ARFGEF2: variants seen among roughly 807,000 people sequenced by gnomAD.
ARFGEF2 encodes the protein brefeldin A-inhibited guanine nucleotide-exchange protein 2.
A neutral mutation model predicts 219.9 loss-of-function variants in ARFGEF2; 74 were observed. That is an observed-to-expected ratio of 0.34 (90% confidence interval 0.28 to 0.41). The LOEUF (loss-of-function observed/expected upper bound fraction) is 0.41, where lower values mean the gene tolerates loss of function less well. Among genes scored for constraint, ARFGEF2 ranks in the 10% least tolerant of loss-of-function variants. The pLI, the probability that ARFGEF2 is intolerant of heterozygous loss-of-function variation, is 1.00. For synonymous variants in ARFGEF2, 733 were observed against 799.2 expected (o/e 0.92, Z 1.40); for missense variants, 1,743 against 2,218.3 (o/e 0.79, Z 4.30).
chr20:48,959,440 C>T (rs1276365502), intron 6 of ARFGEF2, among the ~76,000 whole-genome samples: 6 of 122,128 alleles, frequency 4.9e-5, no homozygotes, highest in Non-Finnish European at 1.7e-5. Context: ...TCCTTCCCTC[C>T]GTCCCTCCTT....
chr20:48,983,101 G>A (rs796234266), intron 14 of ARFGEF2, among the ~76,000 whole-genome samples: 8 of 152,186 alleles, frequency 5.3e-5, no homozygotes, highest in Non-Finnish European at 1.0e-4. Context: ...GCTGCAGACC[G>A]GAGCTGTTCC....
intron 6 of ARFGEF2, among the ~76,000 whole-genome samples, chr20:48,956,827 G>C (rs1033289326): frequency 6.6e-6 from 1 of 152,122 alleles, no homozygotes; most frequent in Non-Finnish European, 1.5e-5. Flanking sequence ...TGATCCACCC[G>C]TCTCGGCCTC....
intron 1 of ARFGEF2, among the ~76,000 whole-genome samples, chr20:48,935,990 G>A (rs2090950207): frequency 7.0e-6 from 1 of 143,662 alleles, no homozygotes; most frequent in South Asian, 2.2e-4. Context: ...GGCTGGCCGG[G>A]CAGAGGGGCT....
chr20:48,930,727 C>G (rs2090908061), intron 1 of ARFGEF2, among the ~76,000 whole-genome samples: 1 of 151,964 alleles, frequency 6.6e-6, no homozygotes, highest in Non-Finnish European at 1.5e-5. Context: ...GTTGTATGAG[C>G]CTGATGTTCA....
At chr20:49,020,036 G>A (rs540916526) in intron 34 of ARFGEF2, among the ~76,000 whole-genome samples, 2 of 152,324 alleles carry the variant, frequency 1.3e-5, no homozygotes, top group East Asian at 1.9e-4. Context: ...CCTCATAGTA[G>A]CCTTTGAAGA....
At chr20:48,996,010 G>A (rs912017480) in intron 23 of ARFGEF2, 128 bp downstream of exon 23, 4 of 826,218 alleles carry the variant, frequency 4.8e-6, no homozygotes, top group Admixed American at 1.9e-5. Flanking sequence ...AATTGCTTAA[G>A]TGTCACATTT....
At chr20:48,960,265 A>G (rs889271657) in intron 6 of ARFGEF2, among the ~76,000 whole-genome samples, 1 of 152,174 alleles carries the variant, frequency 6.6e-6, no homozygotes, top group African/African-American at 2.4e-5. Context: ...ACACAGTGGT[A>G]AGTATTTGAA....
chr20:48,995,312 T>C (rs1392174767), intron 22 of ARFGEF2, among the ~76,000 whole-genome samples: 1 of 151,678 alleles, frequency 6.6e-6, no homozygotes, highest in Non-Finnish European at 1.5e-5. Flanking sequence ...ATTTAGTGAG[T>C]GGAATAGTAC....
chr20:49,005,752 A>AG, intron 26 of ARFGEF2, among the ~76,000 whole-genome samples: 1 of 151,332 alleles, frequency 6.6e-6, no homozygotes, highest in East Asian at 1.9e-4. Flanking sequence ...AAAAAAAAAA[A>AG]AAAAAAGAAA....
intron 38 of ARFGEF2, 32 bp from the exon 39 acceptor site, chr20:49,032,991 T>A: frequency 6.2e-7 from 1 of 1,606,290 alleles, no homozygotes; most frequent in Non-Finnish European, 8.5e-7. Context: ...AAAAAAATTG[T>A]CTAATTTTAT....
chr20:48,991,332 CCT>C (rs1449278830), intron 21 of ARFGEF2, 134 bp downstream of exon 21: 1 of 1,305,574 alleles, frequency 7.7e-7, no homozygotes, highest in Non-Finnish European at 1.1e-6. Flanking sequence ...TGGAAGTCAC[CCT>C]CTCTGGGGCT....
intron 30 of ARFGEF2, among the ~76,000 whole-genome samples, chr20:49,015,946 A>G (rs1323785466): frequency 3.3e-5 from 5 of 152,242 alleles, no homozygotes; most frequent in African/African-American, 2.4e-5. Flanking sequence ...TATATAAATA[A>G]TGTAGCATAT....
chr20:49,010,405 G>A lies in ARFGEF2; in HGVS notation c.3757+1G>A, dbSNP rs1555814379. 5 of 1,613,608 alleles carry A rather than the reference G, an allele frequency of 3.1e-6. No individual in the cohort carries two copies. The highest frequency in any genetic ancestry group is 4.2e-6 in the Non-Finnish European group (5 of 1,180,020). On this transcript the variant is annotated splice_donor_variant, in intron 27 of 38. Coordinates refer to ENST00000371917, the MANE Select transcript of ARFGEF2 (RefSeq NM_006420.3). LOFTEE classifies it high-confidence loss of function. ...TTCCAGACCACTTGCCACATTGTCA[G>A]TAAGTGGCTCTGTTCCCTCCCTACT...
chr20:48,961,083 T>TATAATAATAATAATAATAATA (rs371551603), intron 6 of ARFGEF2, among the ~76,000 whole-genome samples: 1,957 of 143,976 alleles, frequency 0.014, 28 homozygotes, highest in South Asian at 0.042. Flanking sequence ...TGTCTCAAAA[T>TATAATAATAATAATAATAATA]ATAATAATAA....
intron 7 of ARFGEF2, among the ~76,000 whole-genome samples, chr20:48,964,145 A>G (rs1440015664): frequency 6.6e-6 from 1 of 152,208 alleles, no homozygotes; most frequent in Non-Finnish European, 1.5e-5. Context: ...GCGGTGGCTC[A>G]TGCCTGTAAT....
intron 14 of ARFGEF2, among the ~76,000 whole-genome samples, chr20:48,984,093 T>C (rs968027107): frequency 6.6e-6 from 1 of 151,972 alleles, no homozygotes; most frequent in Non-Finnish European, 1.5e-5. Flanking sequence ...AATAACATGC[T>C]TAACTATGTA....
At chr20:48,933,121 G>A (rs2090923319) in intron 1 of ARFGEF2, among the ~76,000 whole-genome samples, 1 of 152,212 alleles carries the variant, frequency 6.6e-6, no homozygotes, top group Admixed American at 6.5e-5. Context: ...CGCAAAGACA[G>A]CGCGGCTTTT....
Position 48,985,448 on chromosome 20 carries a change from A to G in ARFGEF2, c.2111A>G (p.Asn704Ser), listed in dbSNP as rs764311308. ...GDFLGDSARF[N>S]KEVMYAYVDQ... ...TTTCTGGGAGATAGCGCAAGGTTCA[A>G]CAAGGAGGTGATGTATGCCTACGTG... The change falls in exon 16 of 39, where the codon AAC (asparagine) becomes AGC (serine). Residue 704 changes from asparagine (N) to serine (S), a missense_variant. Coordinates refer to ENST00000371917, the MANE Select transcript of ARFGEF2 (RefSeq NM_006420.3). 4.3e-6 allele frequency: 7 copies of G among 1,614,200 alleles called. No homozygotes were observed. The highest frequency in any genetic ancestry group is 1.6e-4 in the Middle Eastern group (1 of 6,062).
At chr20:48,922,468 C>G (rs113814875) in intron 1 of ARFGEF2, among the ~76,000 whole-genome samples, 1 of 152,196 alleles carries the variant, frequency 6.6e-6, no homozygotes, top group African/African-American at 2.4e-5. Context: ...GAATGTTTTC[C>G]TTTGGTTTGG....
Sources: gnomAD v4.1 joint callset for allele counts (sites outside exome capture counted in the v4.1 genomes callset) on GRCh38, gnomAD v4.1.1 for gene constraint, MANE v1.5 for transcripts, NCBI Gene and HGNC (gene_info 2026-07-23, HGNC 2026-07-21) for gene names.